The following GPD2 variants were observed in gnomAD, a reference collection of about 807,000 sequenced individuals.
The protein encoded by GPD2 is glycerol-3-phosphate dehydrogenase, mitochondrial.
GPD2 carries 54 observed loss-of-function variants against 82.4 expected under a neutral mutation model. The observed-to-expected ratio is 0.66, with a 90% confidence interval of 0.53 to 0.82. The LOEUF is 0.82. Among genes scored for constraint, GPD2 ranks in the 40% least tolerant of loss-of-function variants. The pLI is 0.00. For missense variants in GPD2, 748 were observed against 896.2 expected (o/e 0.83, Z 2.11); for synonymous variants, 288 against 306.1 (o/e 0.94, Z 0.62).
At chr2:156,536,476 C>T (rs1238157775) in intron 6 of GPD2, among the ~76,000 whole-genome samples, 1 of 152,174 alleles carries the variant, frequency 6.6e-6, no homozygotes, top group Non-Finnish European at 1.5e-5. Flanking sequence ...TCCTCAGCTA[C>T]GATATTGATT....
At chr2:156,464,012 G>T (rs1683073090) in intron 1 of GPD2, among the ~76,000 whole-genome samples, 1 of 152,146 alleles carries the variant, frequency 6.6e-6, no homozygotes, top group Non-Finnish European at 1.5e-5. Context: ...GTTTGGAAAG[G>T]ATGCGTTATT....
chr2:156,497,226 A>T (rs762542618), intron 3 of GPD2, among the ~76,000 whole-genome samples: 6 of 152,208 alleles, frequency 3.9e-5, no homozygotes, highest in Non-Finnish European at 8.8e-5. Flanking sequence ...AAATGAGGAA[A>T]AAATACCTTC....
intron 6 of GPD2, among the ~76,000 whole-genome samples, chr2:156,514,543 G>A (rs1685127010): frequency 1.3e-5 from 2 of 151,896 alleles, no homozygotes; most frequent in Non-Finnish European, 2.9e-5. Flanking sequence ...TGTCCCAAAG[G>A]CTATCCCTGT....
At chr2:156,527,702 A>G (rs1387402389) in intron 6 of GPD2, among the ~76,000 whole-genome samples, 2 of 152,188 alleles carry the variant, frequency 1.3e-5, no homozygotes, top group African/African-American at 4.8e-5. Context: ...CTACCAAATT[A>G]AAAGCAATAT....
intron 6 of GPD2, among the ~76,000 whole-genome samples, chr2:156,520,516 G>A (rs1445187277): frequency 6.6e-6 from 1 of 151,148 alleles, no homozygotes; most frequent in Non-Finnish European, 1.5e-5. Flanking sequence ...CTAAAGTAAT[G>A]TATTGTTCAG....
At chr2:156,436,054 G>C (rs2105128663), upstream of GPD2, among the ~76,000 whole-genome samples, 1 of 152,326 alleles carries the variant, frequency 6.6e-6, no homozygotes, top group East Asian at 1.9e-4. Context: ...GTGGCGCTGC[G>C]CGACCCCACC....
intron 2 of GPD2, among the ~76,000 whole-genome samples, chr2:156,481,532 C>T (rs539624400): frequency 3.0e-4 from 45 of 152,108 alleles, no homozygotes; most frequent in African/African-American, 1.1e-3. Flanking sequence ...ATTTTAGCTC[C>T]TAGATATGAG....
intron 1 of GPD2, among the ~76,000 whole-genome samples, chr2:156,466,240 T>C (rs1683145200): frequency 6.6e-6 from 1 of 152,238 alleles, no homozygotes; most frequent in Non-Finnish European, 1.5e-5. Context: ...ACAGAGTATA[T>C]ATTAACTTTG....
At chr2:156,418,636 A>G in the GPD2 span, among the ~76,000 whole-genome samples, 1 of 152,274 alleles carries the variant, frequency 6.6e-6, no homozygotes, top group South Asian at 2.1e-4. Flanking sequence ...CATAAAGCAG[A>G]TTAATAGGAT....
At chr2:156,568,686 C>T in intron 9 of GPD2, 139 bp from the exon 10 acceptor site, 1 of 716,206 alleles carries the variant, frequency 1.4e-6, no homozygotes, top group East Asian at 2.7e-5. Context: ...AAACTTAGTT[C>T]TCATCTTTAG....
At chr2:156,460,689 G>C (rs1682959013) in intron 1 of GPD2, among the ~76,000 whole-genome samples, 1 of 152,060 alleles carries the variant, frequency 6.6e-6, no homozygotes, top group Non-Finnish European at 1.5e-5. Flanking sequence ...CAGCCCAAGG[G>C]GAAATAGAAA....
chr2:156,548,882 C>A (rs375687530), intron 6 of GPD2, among the ~76,000 whole-genome samples: 2 of 152,116 alleles, frequency 1.3e-5, no homozygotes, highest in Admixed American at 6.5e-5. Flanking sequence ...TAGAAAAAGT[C>A]TCTAGTGATG....
At chr2:156,526,965 T>C (rs1685631438) in intron 6 of GPD2, among the ~76,000 whole-genome samples, 1 of 152,188 alleles carries the variant, frequency 6.6e-6, no homozygotes, top group South Asian at 2.1e-4. Flanking sequence ...TAGTCCCTAG[T>C]TTCTCTCTGC....
At position 156,583,267 on chromosome 2, in the gene GPD2, T is replaced by A; in HGVS notation, c.*349T>A. ...AAAAACATAATATTTTGGCAAAAAT[T>A]GAAAAAAGCTGGAGACATTTTGTGA... On this transcript the variant is annotated 3_prime_UTR_variant, in exon 17 of 17. Coordinates refer to ENST00000438166, the MANE Select transcript of GPD2 (RefSeq NM_000408.5). 1 of 314,422 alleles carries A rather than the reference T, an allele frequency of 3.2e-6. No individual in the cohort carries two copies. Among genetic ancestry groups the A allele is most frequent in the Non-Finnish European group, 6.2e-6 (1 of 160,930 alleles). The allele number at this position is 314,422 out of a possible 1,614,324, so 19.5% of individuals were successfully genotyped here. A position where few individuals can be genotyped will look rare whatever the true frequency, so the allele number is the denominator to read the frequency against.
At position 156,569,345 on chromosome 2, in the gene GPD2, C is replaced by CT; in HGVS notation, c.1301-17dup. 5 of 1,562,984 alleles carry CT rather than the reference C, an allele frequency of 3.2e-6. No individual in the cohort carries two copies. Among genetic ancestry groups the CT allele is most frequent in the Non-Finnish European group, 4.4e-6 (5 of 1,133,912 alleles). On this transcript the variant is annotated splice_polypyrimidine_tract_variant and intron_variant, in intron 10 of 16. Coordinates refer to ENST00000438166, the MANE Select transcript of GPD2 (RefSeq NM_000408.5). ...AAGGGGTGGCAACCTGATGAATTGT[C>CT]TATCAATTTCTTTATAGGTGGAAAG...
chr2:156,564,560 G>A (rs577768306), intron 9 of GPD2, among the ~76,000 whole-genome samples: 1 of 152,126 alleles, frequency 6.6e-6, no homozygotes, highest in Admixed American at 6.6e-5. Context: ...GTCCTGAGGA[G>A]TCATTACTGA....
intron 9 of GPD2, among the ~76,000 whole-genome samples, chr2:156,566,665 T>C (rs1056614055): frequency 2.6e-5 from 4 of 152,170 alleles, no homozygotes; most frequent in African/African-American, 7.2e-5. Flanking sequence ...TTAGTAATGC[T>C]ATGAACAAGG....
At chr2:156,545,408 AT>A (rs1686491096) in intron 6 of GPD2, among the ~76,000 whole-genome samples, 1 of 152,098 alleles carries the variant, frequency 6.6e-6, no homozygotes, top group Non-Finnish European at 1.5e-5. Flanking sequence ...TACCAGCATC[AT>A]TTTTCCCCTT....
intron 3 of GPD2, among the ~76,000 whole-genome samples, chr2:156,508,806 T>G (rs1251537628): frequency 2.6e-5 from 4 of 152,230 alleles, no homozygotes; most frequent in Admixed American, 2.6e-4. Context: ...CTCACTGAGA[T>G]AGTGCATTCT....
Sources: allele counts gnomAD v4.1 joint callset (sites outside exome capture counted in the v4.1 genomes callset), GRCh38; gene constraint gnomAD v4.1.1; transcripts MANE v1.5; gene names NCBI Gene and HGNC (gene_info 2026-07-23, HGNC 2026-07-21).